ADAMTS12: variants seen among roughly 807,000 people sequenced by gnomAD.
The protein encoded by ADAMTS12 is ADAM metallopeptidase with thrombospondin type 1 motif 12.
A neutral mutation model predicts 167.8 loss-of-function variants in ADAMTS12; 118 were observed. The observed-to-expected ratio is 0.70, with a 90% CI of 0.61 to 0.82. The LOEUF (loss-of-function observed/expected upper bound fraction) is 0.82. Among genes scored for constraint, ADAMTS12 ranks in the 40% least tolerant of loss-of-function variants. ADAMTS12 has a pLI of 0.00. For synonymous variants in ADAMTS12, 704 were observed against 716.9 expected (o/e 0.98, Z 0.29); for missense variants, 1,916 against 1,998.8 (o/e 0.96, Z 0.79).
intron 18 of ADAMTS12, among the ~76,000 whole-genome samples, chr5:33,582,959 T>C (rs1690973): frequency 0.63 from 95,734 of 152,108 alleles, 30,500 homozygotes; most frequent in African/African-American, 0.71. Context: ...GTATCCACCC[T>C]CTCAAGCTTT....
At position 33,875,225 on chromosome 5, in the gene ADAMTS12, C is replaced by T. The variant is rs866876857; in HGVS notation, c.489+5894G>A. Among the ~76,000 whole-genome samples the T allele has an allele frequency of 1.3e-5, 2 of 152,266 alleles. 1 individual carries two copies. The highest frequency in any genetic ancestry group is 6.8e-3 in the Middle Eastern group (2 of 294). The stretch of plus-strand genomic sequence containing the variant: ...AGAAAATTCTCAGGGCAGTGAAAAT[C>T]CTCTATATGAGAATATAATGGTGGA... On this transcript the variant is annotated intron_variant, in intron 2 of 23. Transcript: ENST00000504830.
At chr5:33,880,909 C>G (rs1750409441) in intron 2 of ADAMTS12, 1 of 624,324 alleles carries the variant, frequency 1.6e-6, no homozygotes. Context: ...TCCTCTGAAC[C>G]CTCAGTGCCC....
intron 3 of ADAMTS12, among the ~76,000 whole-genome samples, chr5:33,691,667 T>G (rs1742551679): frequency 6.6e-6 from 1 of 152,154 alleles, no homozygotes; most frequent in Admixed American, 6.5e-5. Context: ...CAGCAAGAAG[T>G]CATGCTGGCA....
Position 33,561,140 on chromosome 5 carries a change from C to T in ADAMTS12, c.4012G>A (p.Val1338Met). Residue 1338 changes from valine to methionine, a missense_variant, in exon 20 of 24, where the codon GTG (valine) becomes ATG (methionine). Transcript: ENST00000504830. ...TCGLGAYWRR[V>M]ECSTQMDSDC... ...GAATCCATCTGGGTGCTGCACTCCA[C>T]CCTTCTCCAGTAGGCCCCCAGGCCA... The T allele has an allele frequency of 1.2e-6, 2 of 1,614,124 alleles. No individual in the cohort carries two copies. Among genetic ancestry groups the T allele is most frequent in the Non-Finnish European group, 1.7e-6 (2 of 1,180,008 alleles).
intron 20 of ADAMTS12, among the ~76,000 whole-genome samples, chr5:33,555,033 G>A (rs545073691): frequency 7.3e-4 from 111 of 152,294 alleles, no homozygotes; most frequent in African/African-American, 2.4e-3. Flanking sequence ...ACTTAGCTAT[G>A]AAAAGGGCAA....
chr5:33,540,644 C>A (rs1467691647), intron 22 of ADAMTS12, among the ~76,000 whole-genome samples: 1 of 152,242 alleles, frequency 6.6e-6, no homozygotes, highest in Non-Finnish European at 1.5e-5. Context: ...TGCTCTTCTG[C>A]AATATTTGCT....
chr5:33,550,146 C>A lies in ADAMTS12; in HGVS notation c.4126-763G>T, dbSNP rs953620057. The stretch of plus-strand genomic sequence containing the variant: ...GCAGCAGCCCAGGTTCACCAGCAGG[C>A]TGCTGATTTCCCTTGGACCGTGATA... On this transcript the variant is annotated intron_variant, in intron 20 of 23. Transcript: ENST00000504830. Among the ~76,000 whole-genome samples, 3 of 152,280 alleles carry A rather than the reference C, an allele frequency of 2.0e-5. No homozygotes were observed. In the South Asian group the frequency reaches 6.2e-4, roughly 32 times the overall value.
intron 7 of ADAMTS12, among the ~76,000 whole-genome samples, chr5:33,657,062 G>A (rs958826317): frequency 5.9e-5 from 9 of 152,196 alleles, no homozygotes; most frequent in Admixed American, 2.0e-4. Context: ...CAGGTATAGA[G>A]TGGTGAAGGG....
chr5:33,746,427 T>G (rs1047283729), intron 3 of ADAMTS12, among the ~76,000 whole-genome samples: 31 of 152,244 alleles, frequency 2.0e-4, no homozygotes, highest in Admixed American at 1.8e-3. Flanking sequence ...TTTATTTATA[T>G]TAGAGCATGT....
intron 1 of ADAMTS12, among the ~76,000 whole-genome samples, chr5:33,885,385 A>T (rs767462031): frequency 7.2e-5 from 11 of 152,232 alleles, no homozygotes; most frequent in Admixed American, 6.5e-4. Context: ...TAAAATTTGT[A>T]GTTCCTCCGG....
At chr5:33,631,047 C>T in intron 12 of ADAMTS12, 134 bp from the exon 13 acceptor site, 1 of 984,756 alleles carries the variant, frequency 1.0e-6, no homozygotes. Flanking sequence ...CCTTGAGACA[C>T]ATGCTGAAAT....
chr5:33,857,949 A>C (rs1749469391), intron 2 of ADAMTS12, among the ~76,000 whole-genome samples: 1 of 152,246 alleles, frequency 6.6e-6, no homozygotes, highest in Non-Finnish European at 1.5e-5. Context: ...AAAAAATGAC[A>C]GAACAACTAG....
intron 7 of ADAMTS12, 135 bp from the exon 8 acceptor site, chr5:33,649,832 G>A (rs1361766629): frequency 8.4e-7 from 1 of 1,185,186 alleles, no homozygotes; most frequent in East Asian, 2.5e-5. Context: ...TGCAAAGTGA[G>A]ACTTTGAAGT....
At chr5:33,721,326 T>G (rs1743798152) in intron 3 of ADAMTS12, among the ~76,000 whole-genome samples, 1 of 152,218 alleles carries the variant, frequency 6.6e-6, no homozygotes, top group African/African-American at 2.4e-5. Flanking sequence ...GTTTACAAAC[T>G]GTGCACTTAC....
chr5:33,687,559 T>G (rs537323875), intron 3 of ADAMTS12, among the ~76,000 whole-genome samples: 23 of 152,318 alleles, frequency 1.5e-4, no homozygotes, highest in African/African-American at 5.3e-4. Context: ...CAAAAACCAA[T>G]CTACTTGTGG....
At chr5:33,561,215 G>C in intron 19 of ADAMTS12, 36 bp from the exon 20 acceptor site, 3 of 1,604,736 alleles carry the variant, frequency 1.9e-6, no homozygotes, top group Non-Finnish European at 2.6e-6. Flanking sequence ...CAGAGGCTGA[G>C]TGTCACCTTC....
At chr5:33,530,528 G>A (rs1276142371) in intron 23 of ADAMTS12, among the ~76,000 whole-genome samples, 1 of 152,228 alleles carries the variant, frequency 6.6e-6, no homozygotes. Flanking sequence ...GCTGGAGAGG[G>A]CACAGGTGGG....
chr5:33,710,869 A>G (rs1359138418), intron 3 of ADAMTS12, among the ~76,000 whole-genome samples: 1 of 152,192 alleles, frequency 6.6e-6, no homozygotes, highest in Non-Finnish European at 1.5e-5. Context: ...ATAGCAGGAA[A>G]AATCTTAATG....
intron 20 of ADAMTS12, among the ~76,000 whole-genome samples, chr5:33,550,830 C>T (rs1745223085): frequency 6.6e-6 from 1 of 152,172 alleles, no homozygotes; most frequent in Admixed American, 6.5e-5. Context: ...CACCATGGAT[C>T]CCTAGCACAG....
Sources: allele counts gnomAD v4.1 joint callset (sites outside exome capture counted in the v4.1 genomes callset), GRCh38; gene constraint gnomAD v4.1.1; transcripts MANE v1.5; gene names NCBI Gene and HGNC (gene_info 2026-07-23, HGNC 2026-07-21).